SOX6: variants seen among roughly 807,000 people sequenced by gnomAD.
SOX6 encodes the protein SRY-box transcription factor 6, also known as transcription factor SOX-6.
In SOX6, 11 loss-of-function variants were observed where a neutral mutation model predicts 97.8. The observed-to-expected ratio is 0.11, with a 90% CI of 0.07 to 0.19. SOX6 has a LOEUF of 0.19. SOX6 is among the 10% of genes least tolerant of loss of function. The pLI, the probability that SOX6 is intolerant of heterozygous loss-of-function variation, is 1.00. For missense variants in SOX6, 810 were observed against 1,039.5 expected, an observed-to-expected ratio of 0.78 and a Z score of 3.04; for synonymous variants, 360 against 371.4, an observed-to-expected ratio of 0.97 and a Z score of 0.35.
chr11:16,037,083 A>T (rs1197927789), intron 12 of SOX6, among the ~76,000 whole-genome samples: 1 of 152,162 alleles, frequency 6.6e-6, no homozygotes, highest in Non-Finnish European at 1.5e-5. Flanking sequence ...AATGACTTCA[A>T]ACTTAATATT....
intron 3 of SOX6, among the ~76,000 whole-genome samples, chr11:16,310,153 GAA>G: frequency 6.6e-6 from 1 of 152,164 alleles, no homozygotes; most frequent in East Asian, 1.9e-4. Flanking sequence ...TTGAAGTTAA[GAA>G]AAAGATTCAA....
intron 6 of SOX6, among the ~76,000 whole-genome samples, chr11:16,168,538 T>C (rs548108100): frequency 2.6e-5 from 4 of 152,298 alleles, no homozygotes; most frequent in Admixed American, 2.0e-4. Flanking sequence ...TGGAACATGT[T>C]ATTTCTACTA....
intron 3 of SOX6, among the ~76,000 whole-genome samples, chr11:16,674,684 C>T (rs1405984841): frequency 6.6e-6 from 1 of 151,800 alleles, no homozygotes; most frequent in Non-Finnish European, 1.5e-5. Flanking sequence ...GGCATGGTAG[C>T]TCACACATGT....
intron 3 of SOX6, among the ~76,000 whole-genome samples, chr11:16,648,664 T>C (rs1298295033): frequency 6.6e-6 from 1 of 152,148 alleles, no homozygotes; most frequent in Non-Finnish European, 1.5e-5. Context: ...TGAAATAGTC[T>C]ACCCAAATGA....
At chr11:16,192,086 C>T (rs1252906020) in intron 4 of SOX6, among the ~76,000 whole-genome samples, 1 of 152,184 alleles carries the variant, frequency 6.6e-6, no homozygotes, top group Non-Finnish European at 1.5e-5. Context: ...CAGCAATTTA[C>T]AGGCAGCCAG....
intron 4 of SOX6, among the ~76,000 whole-genome samples, chr11:16,215,344 T>G (rs899444542): frequency 2.0e-5 from 3 of 152,216 alleles, no homozygotes; most frequent in African/African-American, 7.2e-5. Context: ...GATGACAATC[T>G]TCCTTTAACT....
chr11:16,481,136 A>G (rs1451391402), upstream of SOX6, among the ~76,000 whole-genome samples: 1 of 152,090 alleles, frequency 6.6e-6, no homozygotes, highest in African/African-American at 2.4e-5. Context: ...CTTCACTGTT[A>G]TTATCACTTT....
At chr11:16,707,705 C>T (rs1205162550) in intron 3 of SOX6, among the ~76,000 whole-genome samples, 2 of 152,064 alleles carry the variant, frequency 1.3e-5, no homozygotes, top group Non-Finnish European at 1.5e-5. Flanking sequence ...ATGTGAAAAA[C>T]ACTGTGCTAT....
At chr11:16,583,307 T>C (rs954379790) in intron 4 of SOX6, among the ~76,000 whole-genome samples, 9 of 152,040 alleles carry the variant, frequency 5.9e-5, no homozygotes, top group African/African-American at 1.9e-4. Flanking sequence ...TCCTCTCTTC[T>C]AGCTATTTGA....
intron 1 of SOX6, among the ~76,000 whole-genome samples, chr11:16,404,100 C>A (rs1352336692): frequency 6.6e-6 from 1 of 151,740 alleles, no homozygotes; most frequent in East Asian, 1.9e-4. Flanking sequence ...AAAGTCAAAC[C>A]AAGATTTTAG....
intron 1 of SOX6, among the ~76,000 whole-genome samples, chr11:16,346,830 CT>C (rs1856789033): frequency 2.6e-5 from 4 of 152,038 alleles, no homozygotes; most frequent in Admixed American, 2.6e-4. Flanking sequence ...TGAAGTGTGT[CT>C]AAGAAAGTGC....
intron 6 of SOX6, among the ~76,000 whole-genome samples, chr11:16,173,274 C>T (rs534895563): frequency 1.3e-5 from 2 of 151,904 alleles, no homozygotes; most frequent in Non-Finnish European, 2.9e-5. Flanking sequence ...AGGGCCCTCT[C>T]ATGGACTCCA....
chr11:16,007,872 G>A (rs1035998816), intron 13 of SOX6, among the ~76,000 whole-genome samples: 3 of 152,100 alleles, frequency 2.0e-5, no homozygotes, highest in Admixed American at 1.3e-4. Context: ...CAGTCCCATC[G>A]GGAACATATG....
chr11:16,286,736 T>C (rs1854754765), intron 3 of SOX6, among the ~76,000 whole-genome samples: 1 of 152,170 alleles, frequency 6.6e-6, no homozygotes. Context: ...TGTGCTCATG[T>C]TTCATATAAG....
intron 3 of SOX6, among the ~76,000 whole-genome samples, chr11:16,666,243 C>A (rs575237501): frequency 1.3e-5 from 2 of 152,188 alleles, no homozygotes; most frequent in South Asian, 4.1e-4. Context: ...ATGACAAATC[C>A]TGGAGAGAGA....
chr11:16,458,575 A>T (rs960278869), intron 1 of SOX6, among the ~76,000 whole-genome samples: 3 of 152,010 alleles, frequency 2.0e-5, no homozygotes, highest in African/African-American at 7.2e-5. Flanking sequence ...AGCAATAGTA[A>T]CCATCTTTTA....
chr11:16,308,163 A>G (rs1178642575), intron 3 of SOX6, among the ~76,000 whole-genome samples: 1 of 152,224 alleles, frequency 6.6e-6, no homozygotes, highest in African/African-American at 2.4e-5. Flanking sequence ...TTTTATCTCT[A>G]TCTTTGTAAA....
At position 15,980,005 on chromosome 11, in the gene SOX6, G is replaced by T. The variant is rs1393408531; in HGVS notation, c.2183+6199C>A. On this transcript the variant is annotated intron_variant, in intron 15 of 15. Coordinates refer to ENST00000683767, the MANE Select transcript of SOX6 (RefSeq NM_001367873.1). ...AACTCAGACTGCTTGTAACATAGGA[G>T]GCACTCAGTAAATATCTGTTAAATA... is the stretch of plus-strand genomic sequence containing the variant. Among the ~76,000 whole-genome samples the T allele has an allele frequency of 2.0e-5, 3 of 151,944 alleles. No individual in the cohort carries two copies. In the East Asian group the frequency reaches 5.8e-4, roughly 29 times the overall value.
At chr11:15,983,180 G>C (rs1053306028) in intron 15 of SOX6, among the ~76,000 whole-genome samples, 2 of 151,920 alleles carry the variant, frequency 1.3e-5, no homozygotes, top group South Asian at 4.1e-4. Flanking sequence ...GCATATAATA[G>C]TGTGTTATAC....
Sources: gnomAD v4.1 joint callset for allele counts (sites outside exome capture counted in the v4.1 genomes callset) on GRCh38, gnomAD v4.1.1 for gene constraint, MANE v1.5 for transcripts, NCBI Gene and HGNC (gene_info 2026-07-23, HGNC 2026-07-21) for gene names.